The following CBX5 variants were observed in gnomAD, a reference collection of about 807,000 sequenced individuals.
The protein encoded by CBX5 is chromobox 5.
Under a neutral mutation model 20.7 loss-of-function variants are expected in CBX5, and 7 were observed. That is an observed-to-expected ratio of 0.34 (90% CI 0.19 to 0.63). The LOEUF is 0.63. Ranked by LOEUF, CBX5 falls within the 30% of genes least tolerant of loss-of-function variation. CBX5 has a pLI of 0.75. For missense variants in CBX5, 110 were observed against 224.1 expected, an observed-to-expected ratio of 0.49 and a Z score of 3.25; for synonymous variants, 78 against 77.0, an observed-to-expected ratio of 1.01 and a Z score of -0.07.
At chr12:54,244,994 T>A (rs897602706) in intron 4 of CBX5, among the ~76,000 whole-genome samples, 33 of 151,256 alleles carry the variant, frequency 2.2e-4, no homozygotes, top group African/African-American at 7.3e-4. Flanking sequence ...AAGTCATGTT[T>A]TATATATATA....
chr12:54,265,332 G>C (rs1362821223), intron 1 of CBX5, among the ~76,000 whole-genome samples: 1 of 152,212 alleles, frequency 6.6e-6, no homozygotes, highest in African/African-American at 2.4e-5. Context: ...ATGGTTTTAG[G>C]TGTGTAACAC....
chr12:54,257,398 A>C (rs902295552), intron 2 of CBX5, 116 bp downstream of exon 2: 7 of 990,770 alleles, frequency 7.1e-6, no homozygotes, highest in Non-Finnish European at 1.1e-5. Flanking sequence ...TCTAACTCTT[A>C]GGAAGAGTGC....
In CBX5 at chr12:54,263,965, C is replaced by A. The variant is rs543478162; in HGVS notation, c.-42-6273G>T. Among the ~76,000 whole-genome samples, 5 of 148,786 alleles carry A rather than the reference C, an allele frequency of 3.4e-5. No homozygotes were observed. In the South Asian group the frequency reaches 8.6e-4, roughly 25 times the overall value. On this transcript the variant is annotated intron_variant, in intron 1 of 4. Transcript: ENST00000209875. ...GGCTGAGGCAAAAGAATGGTGTGAA[C>A]CCAGGAGGCGGGGCTTGCAGTGAGC...
rs564168637 is a variant in CBX5 at position 54,243,810 on chromosome 12, A to T, written c.426-1905T>A. Among the ~76,000 whole-genome samples, 4 of 151,928 alleles carry T rather than the reference A, an allele frequency of 2.6e-5. No individual in the cohort carries two copies. The South Asian group carries it at 8.3e-4, about 32-fold the overall frequency. On this transcript the variant is annotated intron_variant, in intron 4 of 4. Coordinates refer to ENST00000209875, the MANE Select transcript of CBX5 (RefSeq NM_012117.3). ...CTTGAACCTGGGAGGCGAAGGTTGC[A>T]GTGAGCCGAGATGGTACCACTGCAC...
At chr12:54,244,662 C>T (rs568768200) in intron 4 of CBX5, among the ~76,000 whole-genome samples, 2 of 151,850 alleles carry the variant, frequency 1.3e-5, no homozygotes, top group East Asian at 2.0e-4. Context: ...CACTTGAACC[C>T]GGGAGGCAGA....
intron 1 of CBX5, among the ~76,000 whole-genome samples, chr12:54,268,622 G>C (rs1943979827): frequency 1.3e-5 from 2 of 152,144 alleles, no homozygotes; most frequent in South Asian, 4.1e-4. Flanking sequence ...TATTTATTGA[G>C]GGCCTAAAAA....
intron 3 of CBX5, among the ~76,000 whole-genome samples, chr12:54,248,298 TAATTTGA>T (rs1442566475): frequency 6.6e-6 from 1 of 152,180 alleles, no homozygotes; most frequent in Non-Finnish European, 1.5e-5. Context: ...CCAAACTAGG[TAATTTGA>T]AAAAACTTTA....
At chr12:54,245,402 A>T (rs985960430) in intron 4 of CBX5, among the ~76,000 whole-genome samples, 4 of 152,206 alleles carry the variant, frequency 2.6e-5, no homozygotes, top group African/African-American at 7.2e-5. Context: ...CATAATTCCC[A>T]TTTAACACCA....
At position 54,239,378 on chromosome 12, in the gene CBX5, G is replaced by A. The variant is rs1246083011; in HGVS notation, c.*2377C>T. The A allele has an allele frequency of 6.6e-6, 1 of 152,076 alleles. No homozygotes were observed. The highest frequency in any genetic ancestry group is 1.5e-5 in the Non-Finnish European group (1 of 68,010). 9.4% of individuals were successfully genotyped at this position (152,076 alleles called of 1,614,324 possible). ...ACTAGGTTTTTGGTTTTAAAAATAA[G>A]GTCGCTGCAGTTTACATGCCCACTG... On this transcript the variant is annotated 3_prime_UTR_variant, in exon 5 of 5. Transcript: ENST00000209875.
intron 1 of CBX5, chr12:54,272,332 T>G (rs187265280): frequency 6.6e-6 from 1 of 152,298 alleles, no homozygotes; most frequent in Admixed American, 6.5e-5. Context: ...CATCTCAAGC[T>G]CATGGCTTTA....
intron 1 of CBX5, among the ~76,000 whole-genome samples, chr12:54,269,530 A>G (rs1408378850): frequency 6.6e-6 from 1 of 151,982 alleles, no homozygotes; most frequent in Admixed American, 6.6e-5. Flanking sequence ...CTGGGACTAC[A>G]GGAGCACACC....
chr12:54,269,627 T>C (rs895596302), intron 1 of CBX5, among the ~76,000 whole-genome samples: 5 of 152,146 alleles, frequency 3.3e-5, no homozygotes, highest in Non-Finnish European at 7.4e-5. Context: ...GACCTCGTGA[T>C]CCACCCACCT....
rs1479607236 is a variant in CBX5, at chr12:54,241,050, T to G, written c.*705A>C. ...TGATATCACTTTACAGAAGCAGAAG[T>G]GGGGAGTGCTAAAAGCAATACCGAA... On this transcript the variant is annotated 3_prime_UTR_variant, in exon 5 of 5. Transcript: ENST00000209875. 1 of 152,150 alleles carries G rather than the reference T, an allele frequency of 6.6e-6. No individual in the cohort carries two copies. Among genetic ancestry groups the G allele is most frequent in the Non-Finnish European group, 1.5e-5 (1 of 68,036 alleles). The allele number at this position is 152,150 out of a possible 1,614,324, so 9.4% of individuals were successfully genotyped here. A position where few individuals can be genotyped will look rare whatever the true frequency, so the allele number is the denominator to read the frequency against.
chr12:54,248,573 T>C (rs932132260), intron 3 of CBX5, among the ~76,000 whole-genome samples: 2 of 152,152 alleles, frequency 1.3e-5, no homozygotes, highest in Non-Finnish European at 2.9e-5. Flanking sequence ...ATAGCCTCTT[T>C]TGGGGGTGCT....
At position 54,236,261 on chromosome 12, in the gene CBX5, T is replaced by G. The variant is rs1943621292; in HGVS notation, c.*5494A>C. The G allele has an allele frequency of 6.6e-6, 1 of 152,156 alleles. No individual in the cohort carries two copies. The highest frequency in any genetic ancestry group is 1.5e-5 in the Non-Finnish European group (1 of 68,036). 9.4% of individuals were successfully genotyped at this position (152,156 alleles called of 1,614,324 possible). A position where few individuals can be genotyped will look rare whatever the true frequency, so the allele number is the denominator to read the frequency against. On this transcript the variant is annotated 3_prime_UTR_variant, in exon 5 of 5. Transcript: ENST00000209875. ...TTTTTTTTTTGAACAGAAACATAGC[T>G]TGTAAGCACTTAAACTATTAATGGT...
intron 1 of CBX5, among the ~76,000 whole-genome samples, chr12:54,266,476 C>T (rs1369126819): frequency 6.6e-6 from 1 of 152,146 alleles, no homozygotes; most frequent in Non-Finnish European, 1.5e-5. Context: ...ATAATCCCAA[C>T]AATTTGGGAG....
chr12:54,250,807 G>A (rs1373920836), intron 3 of CBX5, among the ~76,000 whole-genome samples: 7 of 55,170 alleles, frequency 1.3e-4, no homozygotes, highest in South Asian at 8.0e-4. Flanking sequence ...GCGAGACTCC[G>A]TCTCAAAAAA....
chr12:54,256,808 T>G (rs1943866402), intron 2 of CBX5, among the ~76,000 whole-genome samples: 1 of 152,130 alleles, frequency 6.6e-6, no homozygotes, highest in African/African-American at 2.4e-5. Flanking sequence ...ATCCCAGCAC[T>G]TTGGGAGGCC....
intron 3 of CBX5, among the ~76,000 whole-genome samples, chr12:54,247,589 G>GT (rs1051551944): frequency 6.6e-6 from 1 of 152,164 alleles, no homozygotes; most frequent in Non-Finnish European, 1.5e-5. Flanking sequence ...TGGTCTAAAT[G>GT]TAGTAATACA....
Sources: gnomAD v4.1 joint callset for allele counts (sites outside exome capture counted in the v4.1 genomes callset) on GRCh38, gnomAD v4.1.1 for gene constraint, MANE v1.5 for transcripts, NCBI Gene and HGNC (gene_info 2026-07-23, HGNC 2026-07-21) for gene names.